CABP5: variants seen among roughly 807,000 people sequenced by gnomAD.
The protein encoded by CABP5 is calcium binding protein 5, also known as calcium-binding protein 5.
In CABP5, 17 loss-of-function variants were observed where a neutral mutation model predicts 21.9. The ratio of observed to expected loss-of-function variants is 0.78; its 90% CI spans 0.53 to 1.17. The LOEUF (loss-of-function observed/expected upper bound fraction) is 1.17, where lower values mean the gene tolerates loss of function less well. Among genes scored for constraint, CABP5 ranks in the 50% most tolerant of loss-of-function variants. CABP5 has a pLI of 0.00. For synonymous variants in CABP5, 85 were observed against 79.4 expected (o/e 1.07, Z -0.37); for missense variants, 229 against 228.9 (o/e 1.00, Z 0.00).
At position 48,039,388 on chromosome 19, in the gene CABP5, G is replaced by A. The variant is rs557461807; in HGVS notation, c.239-71C>T. The A allele has an allele frequency of 3.8e-4, 446 of 1,163,040 alleles. 2 individuals are homozygous for A. Among genetic ancestry groups the A allele is most frequent in the Non-Finnish European group, 5.2e-4 (402 of 772,144 alleles). 72.0% of individuals were successfully genotyped at this position (1,163,040 alleles called of 1,614,324 possible). ...CTTCCATTACCTCACTTTGTGCTTCGAGTCAGTTAGATCAGCTCCCTTCTC... is the reference window on the plus strand; with the variant it reads ...CTTCCATTACCTCACTTTGTGCTTCAAGTCAGTTAGATCAGCTCCCTTCTC... On this transcript the variant is annotated intron_variant, in intron 3 of 5. Coordinates refer to ENST00000293255, the MANE Select transcript of CABP5 (RefSeq NM_019855.5).
In CABP5 at chr19:48,030,452, T is replaced by G; in HGVS notation, c.*105A>C. 6.7e-6 allele frequency: 8 copies of G among 1,193,902 alleles called. No individual in the cohort carries two copies. Among genetic ancestry groups the G allele is most frequent in the Non-Finnish European group, 9.6e-6 (8 of 829,654 alleles). The allele number at this position is 1,193,902 out of a possible 1,614,324, so 74.0% of individuals were successfully genotyped here. On this transcript the variant is annotated 3_prime_UTR_variant, in exon 6 of 6. Coordinates refer to ENST00000293255, the MANE Select transcript of CABP5 (RefSeq NM_019855.5). ...CCAATGCCCTCCCTCCCGCCTGCCC[T>G]CCCTCTCTGCTTTAAGGGGATCTGG...
chr19:48,032,654 A>G lies in CABP5; in HGVS notation c.496+1561T>C, dbSNP rs78166715. Reference sequence around the variant, plus strand: ...TTTTTTCTTTTTTTCTTTTTTTGAGATGGAGTCTCACTGTTGCCCGGGCTG... The same window carrying G: ...TTTTTTCTTTTTTTCTTTTTTTGAGGTGGAGTCTCACTGTTGCCCGGGCTG... On this transcript the variant is annotated intron_variant, in intron 5 of 5. Coordinates refer to ENST00000293255, the MANE Select transcript of CABP5 (RefSeq NM_019855.5). Among the ~76,000 whole-genome samples, 20 of 112,104 alleles carry G rather than the reference A, an allele frequency of 1.8e-4. No individual in the cohort carries two copies. In the East Asian group the frequency reaches 4.0e-3, roughly 22 times the overall value. 73.5% of individuals were successfully genotyped at this position (112,104 alleles called of 152,430 possible).
rs200410937 is a variant in CABP5, at chr19:48,034,308, G to A, written c.403C>T (p.Gln135Ter). The part of the protein sequence containing the change: ...ITLVELQQAM[Q>*]RLLGERLTPR... ...GTGAGCCGCTCCCCCAGGAGTCTCTGCATGGCCTGCTGTAGCTCCACCAGG... is the reference window on the plus strand; with the variant it reads ...GTGAGCCGCTCCCCCAGGAGTCTCTACATGGCCTGCTGTAGCTCCACCAGG... The change falls in exon 5 of 6, where the codon CAG becomes TAG. Residue 135 changes from glutamine to a stop codon, truncating the protein, a stop_gained. Transcript: ENST00000293255. LOFTEE classifies it high-confidence loss of function. 1.6e-5 allele frequency: 26 copies of A among 1,608,514 alleles called. No homozygotes were observed. The highest frequency in any genetic ancestry group is 3.3e-4 in the Middle Eastern group (2 of 6,048).
chr19:48,031,296 T>C (rs754712350), intron 5 of CABP5, among the ~76,000 whole-genome samples: 8 of 152,100 alleles, frequency 5.3e-5, no homozygotes, highest in Non-Finnish European at 1.2e-4. Flanking sequence ...TCCCAGCACT[T>C]TGGGACGTCA....
At position 48,039,330 on chromosome 19, in the gene CABP5, G is replaced by A. The variant is rs1192538126; in HGVS notation, c.239-13C>T. Reference sequence around the variant, plus strand: ...ACACGGCCACCCACTGAGGAAGATGGCACAGGATTAGCGAGACCCCACAAG... The same window carrying A: ...ACACGGCCACCCACTGAGGAAGATGACACAGGATTAGCGAGACCCCACAAG... On this transcript the variant is annotated splice_polypyrimidine_tract_variant and intron_variant, in intron 3 of 5. Coordinates refer to ENST00000293255, the MANE Select transcript of CABP5 (RefSeq NM_019855.5). 2 of 1,605,866 alleles carry A rather than the reference G, an allele frequency of 1.2e-6. No individual in the cohort carries two copies. Among genetic ancestry groups the A allele is most frequent in the African/African-American group, 2.7e-5 (2 of 74,690 alleles).
chr19:48,034,870 G>A (rs1967389114), intron 4 of CABP5, among the ~76,000 whole-genome samples: 1 of 151,948 alleles, frequency 6.6e-6, no homozygotes. Flanking sequence ...ATGAGACGGG[G>A]TCTCACTATT....
rs12982629 is a variant in CABP5 at position 48,040,666 on chromosome 19, C to A, written c.177G>T (p.Thr59=). ...SCKDLGNLMR[T]MGYMPTEMEL... ...CCATCTCCGTGGGCATGTAACCCATCGTCCTCATGAGATTCCCCAGATCCT... is the reference window on the plus strand; with the variant it reads ...CCATCTCCGTGGGCATGTAACCCATAGTCCTCATGAGATTCCCCAGATCCT... The change falls in exon 3 of 6, where the codon ACG becomes ACT. Residue 59 remains threonine (T), a synonymous_variant. Coordinates refer to ENST00000293255, the MANE Select transcript of CABP5 (RefSeq NM_019855.5). The A allele has an allele frequency of 0.26, 421,687 of 1,613,110 alleles. 58,637 individuals are homozygous for A. The highest frequency in any genetic ancestry group is 0.33 in the Middle Eastern group (1,971 of 6,060).
At chr19:48,031,909 C>A (rs1967344664) in intron 5 of CABP5, among the ~76,000 whole-genome samples, 1 of 147,774 alleles carries the variant, frequency 6.8e-6, no homozygotes, top group South Asian at 2.2e-4. Flanking sequence ...TACTGTGTTT[C>A]CATACTGGGA....
chr19:48,037,415 T>G (rs1243624004), intron 4 of CABP5, among the ~76,000 whole-genome samples: 1 of 151,670 alleles, frequency 6.6e-6, no homozygotes, highest in South Asian at 2.1e-4. Flanking sequence ...ATTACACGCA[T>G]GTACCACCAC....
chr19:48,037,589 G>A (rs77853220), intron 4 of CABP5, among the ~76,000 whole-genome samples: 15,261 of 150,992 alleles, frequency 0.1, 779 homozygotes, highest in African/African-American at 0.12. Flanking sequence ...TAGTAGTGAC[G>A]TTTAAAAAAA....
At chr19:48,031,722 T>G (rs948318951) in intron 5 of CABP5, among the ~76,000 whole-genome samples, 1 of 152,122 alleles carries the variant, frequency 6.6e-6, no homozygotes, top group Non-Finnish European at 1.5e-5. Context: ...CACCTGACTT[T>G]GCTGTGGCTC....
At chr19:48,034,547 T>TC (rs71334256) in intron 4 of CABP5, among the ~76,000 whole-genome samples, 185 bp from the exon 5 acceptor site, 43,999 of 147,154 alleles carry the variant, frequency 0.3, 7,449 homozygotes, top group Non-Finnish European at 0.38. Flanking sequence ...TTTCTTTCTT[T>TC]TTTTTTTTTT....
intron 4 of CABP5, 24 bp from the exon 5 acceptor site, chr19:48,034,386 A>T: frequency 6.8e-7 from 1 of 1,471,286 alleles, no homozygotes; most frequent in Admixed American, 2.3e-5. Flanking sequence ...GAAATAGATT[A>T]TATCAGCAAT....
chr19:48,033,342 C>T (rs957278143), intron 5 of CABP5, among the ~76,000 whole-genome samples: 7 of 152,130 alleles, frequency 4.6e-5, no homozygotes, highest in Admixed American at 2.6e-4. Context: ...AAGAACCCCA[C>T]GTCTCATCCA....
Position 48,034,368 on chromosome 19 carries a change from T to G in CABP5, c.349-6A>C. 2.0e-6 allele frequency: 3 copies of G among 1,537,118 alleles called. No homozygotes were observed. Among genetic ancestry groups the G allele is most frequent in the Non-Finnish European group, 2.6e-6 (3 of 1,141,666 alleles). Reference sequence around the variant, plus strand: ...CCATCTCCATTCGTGTCAAACTGAATAGAAGCAGAAATAGATTATATCAGC... The same window carrying G: ...CCATCTCCATTCGTGTCAAACTGAAGAGAAGCAGAAATAGATTATATCAGC... On this transcript the variant is annotated splice_polypyrimidine_tract_variant and splice_region_variant and intron_variant, in intron 4 of 5. Transcript: ENST00000293255.
In CABP5 at chr19:48,042,632, T is replaced by C. The variant is rs146289893; in HGVS notation, c.64-1029A>G. Among the ~76,000 whole-genome samples the C allele has an allele frequency of 4.5e-3, 688 of 151,668 alleles. 5 individuals are homozygous for C. The highest frequency in any genetic ancestry group is 0.015 in the African/African-American group (640 of 41,314). On this transcript the variant is annotated intron_variant, in intron 1 of 5. Coordinates refer to ENST00000293255, the MANE Select transcript of CABP5 (RefSeq NM_019855.5). ...CTCTGTCACCCAAGCTGGAGTGCAG[T>C]GGCACGAACTCGGCTCACTGCAACC...
chr19:48,038,192 G>A (rs1182329628), intron 4 of CABP5, among the ~76,000 whole-genome samples: 1 of 152,100 alleles, frequency 6.6e-6, no homozygotes, highest in Non-Finnish European at 1.5e-5. Flanking sequence ...TGGGATTATG[G>A]GTGTGAGCCA....
intron 1 of CABP5, among the ~76,000 whole-genome samples, chr19:48,041,806 C>G (rs1222496799): frequency 6.6e-6 from 1 of 151,870 alleles, no homozygotes; most frequent in Non-Finnish European, 1.5e-5. Context: ...CTCGATGTCT[C>G]TCTCCCACCC....
At chr19:48,036,026 T>A (rs1600124220) in intron 4 of CABP5, among the ~76,000 whole-genome samples, 1 of 152,238 alleles carries the variant, frequency 6.6e-6, no homozygotes, top group African/African-American at 2.4e-5. Flanking sequence ...GCCATGATCA[T>A]CCTGGTAGGA....
Sources: allele counts gnomAD v4.1 joint callset (sites outside exome capture counted in the v4.1 genomes callset), GRCh38; gene constraint gnomAD v4.1.1; transcripts MANE v1.5; gene names NCBI Gene and HGNC (gene_info 2026-07-23, HGNC 2026-07-21).